DLC1: variants seen among roughly 807,000 people sequenced by gnomAD.
DLC1 encodes rho GTPase-activating protein 7.
In DLC1, 54 loss-of-function variants were observed where a neutral mutation model predicts 140.3. The ratio of observed to expected loss-of-function variants is 0.38; its 90% CI spans 0.31 to 0.48. DLC1 has a LOEUF of 0.48. Ranked by LOEUF, DLC1 falls within the 20% of genes least tolerant of loss-of-function variation. The probability of loss-of-function intolerance (pLI) is 0.96; values close to 1 mark genes in which losing one functional copy is unlikely to be tolerated. For missense variants in DLC1, 2,536 were observed against 1,907.0 expected, an observed-to-expected ratio of 1.33 and a Z score of -6.14; for synonymous variants, 986 against 728.1, an observed-to-expected ratio of 1.35 and a Z score of -5.70.
At chr8:13,148,452 A>G (rs1178061403) in intron 5 of DLC1, among the ~76,000 whole-genome samples, 1 of 152,216 alleles carries the variant, frequency 6.6e-6, no homozygotes, top group Admixed American at 6.5e-5. Flanking sequence ...TTCCCGCAAA[A>G]GACAGGGTTC....
intron 1 of DLC1, chr8:13,566,876 C>CTCCGGAAGACGAA (rs1442008483): frequency 9.9e-5 from 129 of 1,307,408 alleles, no homozygotes; most frequent in Admixed American, 1.3e-4. Context: ...CGGAAGACGA[C>CTCCGGAAGACGAA]CTCCGCAGAG....
chr8:13,178,651 G>GT (rs35235319), intron 5 of DLC1, among the ~76,000 whole-genome samples: 81,662 of 145,050 alleles, frequency 0.56, 23,283 homozygotes, highest in East Asian at 0.86. Flanking sequence ...GTGGAAGAAG[G>GT]TTTTTTTTTT....
chr8:13,151,650 T>C (rs564697622), intron 5 of DLC1, among the ~76,000 whole-genome samples: 1 of 152,338 alleles, frequency 6.6e-6, no homozygotes, highest in African/African-American at 2.4e-5. Context: ...GCTACCTTGA[T>C]TGCCATCCAG....
At chr8:13,326,036 TA>T (rs5889432) in intron 4 of DLC1, among the ~76,000 whole-genome samples, 129,520 of 151,920 alleles carry the variant, frequency 0.85, 55,669 homozygotes, top group East Asian at 0.95. Context: ...GTTTTTCTTA[TA>T]AAAAAAATAA....
At chr8:13,239,903 G>T (rs1320936741) in intron 5 of DLC1, among the ~76,000 whole-genome samples, 3 of 152,164 alleles carry the variant, frequency 2.0e-5, no homozygotes, top group Non-Finnish European at 2.9e-5. Flanking sequence ...TGGGAGGTAA[G>T]CCAAGGAGCT....
In DLC1 at chr8:13,085,632, G is replaced by C. The variant is rs1479913302; in HGVS notation, c.*179C>G. ...ATTCCAGTCAAGGTCTATGAATACA[G>C]ACCCTCAACAAACAGGAAGCAGCTT... On this transcript the variant is annotated 3_prime_UTR_variant, in exon 18 of 18. Transcript: ENST00000276297. 3.6e-6 allele frequency: 3 copies of C among 836,744 alleles called. No homozygotes were observed. Among genetic ancestry groups the C allele is most frequent in the Non-Finnish European group, 5.2e-6 (3 of 576,408 alleles). The allele number at this position is 836,744 out of a possible 1,614,324, so 51.8% of individuals were successfully genotyped here.
chr8:13,293,853 T>C (rs2117472563), intron 5 of DLC1, among the ~76,000 whole-genome samples: 1 of 152,302 alleles, frequency 6.6e-6, no homozygotes, highest in South Asian at 2.1e-4. Flanking sequence ...AAGAACTATG[T>C]TCTATTGGTT....
intron 5 of DLC1, among the ~76,000 whole-genome samples, chr8:13,269,994 T>C (rs1435483184): frequency 6.6e-6 from 1 of 150,800 alleles, no homozygotes; most frequent in East Asian, 1.9e-4. Flanking sequence ...GAGGTGGAGC[T>C]TGCAGTGAGC....
intron 4 of DLC1, among the ~76,000 whole-genome samples, chr8:13,322,209 T>C (rs1210666539): frequency 1.3e-5 from 2 of 152,200 alleles, no homozygotes; most frequent in African/African-American, 2.4e-5. Flanking sequence ...TATTATCTAC[T>C]GGTTATTTTG....
chr8:13,537,648 C>CTTTT lies in DLC1; in HGVS notation c.-125-37456_-125-37453dup, dbSNP rs3066420. On this transcript the variant is annotated intron_variant, in intron 1 of 1. Coordinates refer to the DLC1 transcript ENST00000631382. Reference sequence around the variant, plus strand: ...ATGGTAATAGTAACAACAGCTAACTCTTTTTTTTTTTTTTTTTTTTTTTGA... The same window carrying CTTTT: ...ATGGTAATAGTAACAACAGCTAACTCTTTTTTTTTTTTTTTTTTTTTTTTTTTGA... Among the ~76,000 whole-genome samples, 37 of 90,352 alleles carry CTTTT rather than the reference C, an allele frequency of 4.1e-4. 1 individual carries two copies. The highest frequency in any genetic ancestry group is 1.1e-3 in the African/African-American group (23 of 21,898). The allele number at this position is 90,352 out of a possible 152,430, so 59.3% of individuals were successfully genotyped here.
intron 4 of DLC1, among the ~76,000 whole-genome samples, chr8:13,368,505 C>T (rs368594188): frequency 2.7e-5 from 4 of 150,912 alleles, no homozygotes; most frequent in Admixed American, 1.3e-4. Context: ...CAAGGGAAAA[C>T]GCAAGCCAAG....
chr8:13,411,517 A>T (rs1350902750), intron 2 of DLC1, among the ~76,000 whole-genome samples: 1 of 152,192 alleles, frequency 6.6e-6, no homozygotes, highest in Non-Finnish European at 1.5e-5. Flanking sequence ...CAACACCAAT[A>T]GTAGACACTG....
At chr8:13,388,638 A>T (rs921893239) in intron 4 of DLC1, among the ~76,000 whole-genome samples, 1 of 152,062 alleles carries the variant, frequency 6.6e-6, no homozygotes, top group Admixed American at 6.6e-5. Flanking sequence ...ACACTTCAGA[A>T]AATAATATCA....
chr8:13,131,497 C>T (rs553753157), intron 5 of DLC1, among the ~76,000 whole-genome samples: 62 of 152,272 alleles, frequency 4.1e-4, no homozygotes, highest in Middle Eastern at 3.4e-3. Context: ...GAGAATGAAT[C>T]CATTTGCTCA....
At chr8:13,222,764 G>T (rs1355662458) in intron 5 of DLC1, among the ~76,000 whole-genome samples, 2 of 152,086 alleles carry the variant, frequency 1.3e-5, no homozygotes, top group Non-Finnish European at 2.9e-5. Flanking sequence ...GTGGTGGGGG[G>T]ACAGGGTCTT....
intron 5 of DLC1, among the ~76,000 whole-genome samples, chr8:13,246,095 T>C (rs1240827123): frequency 6.6e-6 from 1 of 152,104 alleles, no homozygotes; most frequent in South Asian, 2.1e-4. Context: ...TGAGACAACA[T>C]AATATTACAG....
In DLC1 at chr8:13,571,431, T is replaced by G. The variant is rs917948559; in HGVS notation, c.-126+33106A>C. 4.3e-4 allele frequency among the ~76,000 whole-genome samples: 66 copies of G among 152,334 alleles called. 1 individual carries two copies. The Middle Eastern group carries it at 0.01, about 24-fold the overall frequency. ...CTTTCTATTGCTATAAATTTGCTTA[T>G]TTGAGATACTTCATATCAGTGCAAT... On this transcript the variant is annotated intron_variant, in intron 1 of 1. Coordinates refer to the DLC1 transcript ENST00000631382.
chr8:13,604,242 G>A (rs1190966835), intron 1 of DLC1, among the ~76,000 whole-genome samples: 1 of 152,106 alleles, frequency 6.6e-6, no homozygotes, highest in African/African-American at 2.4e-5. Context: ...TTATGTGACA[G>A]AGGATTACAA....
chr8:13,149,069 G>C (rs1351353992), intron 5 of DLC1, among the ~76,000 whole-genome samples: 1 of 152,148 alleles, frequency 6.6e-6, no homozygotes, highest in Non-Finnish European at 1.5e-5. Context: ...TGGGATTACA[G>C]GTGTGAGCCA....
Sources: allele counts gnomAD v4.1 joint callset (sites outside exome capture counted in the v4.1 genomes callset), GRCh38; gene constraint gnomAD v4.1.1; transcripts MANE v1.5; gene names NCBI Gene and HGNC (gene_info 2026-07-23, HGNC 2026-07-21).